TMEM74: variants seen among roughly 807,000 people sequenced by gnomAD.
TMEM74 encodes the protein transmembrane protein 74.
A neutral mutation model predicts 18.1 loss-of-function variants in TMEM74; 13 were observed. The observed-to-expected ratio is 0.72, with a 90% confidence interval of 0.47 to 1.14. The LOEUF (loss-of-function observed/expected upper bound fraction) is 1.14, where lower values mean the gene tolerates loss of function less well. Among genes scored for constraint, TMEM74 ranks in the 50% most tolerant of loss-of-function variants. The pLI is 0.00. For synonymous variants in TMEM74, 159 were observed against 146.6 expected (o/e 1.08, Z -0.61); for missense variants, 372 against 375.9 (o/e 0.99, Z 0.09).
At position 108,731,530 on chromosome 8, in the gene TMEM74, C is replaced by G. The variant is rs529065398; in HGVS notation, n.119+55946G>C. Among the ~76,000 whole-genome samples the G allele has an allele frequency of 2.8e-3, 428 of 152,204 alleles. 1 individual carries two copies. The highest frequency in any genetic ancestry group is 8.9e-3 in the African/African-American group (368 of 41,532). On this transcript the variant is annotated intron_variant and non_coding_transcript_variant, in intron 1 of 3. Coordinates refer to the TMEM74 transcript ENST00000518838. ...CTGAGTTTTCAAATAAAAATTTCTTCCGTAGGACACACTAAATTACTGGGA... is the reference window on the plus strand; with the variant it reads ...CTGAGTTTTCAAATAAAAATTTCTTGCGTAGGACACACTAAATTACTGGGA...
rs1814031189 is a variant in TMEM74, at chr8:108,760,458, T to G, written n.119+27018A>C. 2.0e-5 allele frequency among the ~76,000 whole-genome samples: 3 copies of G among 152,020 alleles called. No homozygotes were observed. The South Asian group carries it at 6.2e-4, about 32-fold the overall frequency. ...GCCAGTAGCAGAGCTTGACGATTAT[T>G]AGCAAGCCTGTTCTGAGTGCAGTTT... On this transcript the variant is annotated intron_variant and non_coding_transcript_variant, in intron 1 of 3. Transcript: ENST00000518838.
intron 1 of TMEM74, among the ~76,000 whole-genome samples, chr8:108,760,087 C>A (rs1235419560): frequency 6.6e-6 from 1 of 151,066 alleles, no homozygotes; most frequent in Admixed American, 6.6e-5. Context: ...GTAAGAGAAT[C>A]GCTTGAAGCT....
chr8:108,635,420 T>C (rs1812597592), intron 2 of TMEM74, among the ~76,000 whole-genome samples: 1 of 152,058 alleles, frequency 6.6e-6, no homozygotes, highest in African/African-American at 2.4e-5. Context: ...GGCAATGTTT[T>C]CCTTGGGTTT....
chr8:108,735,780 C>T (rs2935788), intron 1 of TMEM74, among the ~76,000 whole-genome samples: 109,718 of 151,978 alleles, frequency 0.72, 40,841 homozygotes, highest in African/African-American at 0.91. Flanking sequence ...ATTGCCCACT[C>T]CTTAATATCC....
At chr8:108,715,926 A>G (rs193228949) in intron 1 of TMEM74, among the ~76,000 whole-genome samples, 118 of 152,272 alleles carry the variant, frequency 7.7e-4, no homozygotes, top group African/African-American at 2.7e-3. Flanking sequence ...AAAGATATTC[A>G]TTAAGCCATA....
chr8:108,716,627 GTATT>G (rs1185645008), intron 1 of TMEM74, among the ~76,000 whole-genome samples: 2 of 151,856 alleles, frequency 1.3e-5, no homozygotes, highest in Non-Finnish European at 2.9e-5. Flanking sequence ...TATTAAATGA[GTATT>G]TAACTCAAGA....
chr8:108,760,489 G>A (rs1425301679), intron 1 of TMEM74, among the ~76,000 whole-genome samples: 1 of 152,098 alleles, frequency 6.6e-6, no homozygotes, highest in African/African-American at 2.4e-5. Flanking sequence ...AGTTTTAACA[G>A]AATGCATCTA....
At chr8:108,684,412 T>A (rs1343397851) in intron 1 of TMEM74, among the ~76,000 whole-genome samples, 1 of 152,044 alleles carries the variant, frequency 6.6e-6, no homozygotes, top group Non-Finnish European at 1.5e-5. Flanking sequence ...TTTTGAGAAA[T>A]ATCTCTTCAG....
intron 2 of TMEM74, among the ~76,000 whole-genome samples, chr8:108,637,044 A>G (rs1451862551): frequency 1.3e-5 from 2 of 152,072 alleles, no homozygotes; most frequent in African/African-American, 4.8e-5. Flanking sequence ...TATAGATAGG[A>G]TTAGGGCTTT....
intron 2 of TMEM74, among the ~76,000 whole-genome samples, chr8:108,644,953 A>G (rs1812702571): frequency 6.6e-6 from 1 of 152,186 alleles, no homozygotes. Flanking sequence ...ATATTTCTCA[A>G]AGAATTTAAA....
intron 2 of TMEM74, chr8:108,652,921 C>T (rs563056971): frequency 2.6e-4 from 96 of 364,266 alleles, no homozygotes; most frequent in African/African-American, 1.6e-3. Flanking sequence ...GTGTGAAGAG[C>T]GAAGATGAAT....
intron 1 of TMEM74, among the ~76,000 whole-genome samples, chr8:108,678,570 G>A (rs2349202): frequency 0.029 from 4,382 of 148,550 alleles, 118 homozygotes; most frequent in African/African-American, 0.066. Context: ...ACAAGGTCTC[G>A]CCATGTTGGC....
chr8:108,711,795 CAG>C (rs948667759), intron 1 of TMEM74, among the ~76,000 whole-genome samples: 3 of 152,094 alleles, frequency 2.0e-5, no homozygotes, highest in Non-Finnish European at 4.4e-5. Flanking sequence ...ACATTACTAA[CAG>C]AGAGACTATA....
At chr8:108,670,057 A>AT (rs1159713326) in intron 1 of TMEM74, among the ~76,000 whole-genome samples, 56 of 149,574 alleles carry the variant, frequency 3.7e-4, no homozygotes, top group Middle Eastern at 3.4e-3. Flanking sequence ...AAAAAAAAAA[A>AT]GGCAATGAAT....
At chr8:108,707,737 A>G (rs148620792) in intron 1 of TMEM74, among the ~76,000 whole-genome samples, 1 of 152,330 alleles carries the variant, frequency 6.6e-6, no homozygotes, top group African/African-American at 2.4e-5. Flanking sequence ...AACTCTAAAA[A>G]TCTTAGAAGG....
chr8:108,772,001 TA>T (rs1190251736), intron 1 of TMEM74, among the ~76,000 whole-genome samples: 2 of 152,234 alleles, frequency 1.3e-5, no homozygotes, highest in East Asian at 3.9e-4. Flanking sequence ...ATTTTTATGG[TA>T]AAAAAACTAC....
At chr8:108,693,172 G>C (rs895549158) in intron 1 of TMEM74, among the ~76,000 whole-genome samples, 2 of 152,166 alleles carry the variant, frequency 1.3e-5, no homozygotes, top group African/African-American at 4.8e-5. Flanking sequence ...ACATAAGCCG[G>C]TATGGCTGGA....
At chr8:108,771,959 A>G (rs1012421538) in intron 1 of TMEM74, among the ~76,000 whole-genome samples, 2 of 152,108 alleles carry the variant, frequency 1.3e-5, no homozygotes, top group African/African-American at 2.4e-5. Flanking sequence ...GCAACATTAA[A>G]TGTTGCTTTA....
Position 108,784,667 on chromosome 8 carries a change from T to A in TMEM74, c.432A>T (p.Pro144=). Reference sequence around the variant, plus strand: ...TGGCAGCCTCTTGGGACCACTCATTTGGATTTTCCCAGCCAAGCTCCCCAG... The same window carrying A: ...TGGCAGCCTCTTGGGACCACTCATTAGGATTTTCCCAGCCAAGCTCCCCAG... ...NHPGELGWEN[P]NEWSQEAAIS... Residue 144 remains proline (P), a synonymous_variant, in exon 2 of 2, where the codon CCA becomes CCT. Transcript: ENST00000297459. The A allele has an allele frequency of 6.2e-7, 1 of 1,614,208 alleles. No homozygotes were observed. The highest frequency in any genetic ancestry group is 8.5e-7 in the Non-Finnish European group (1 of 1,180,026).
Sources: gnomAD v4.1 joint callset for allele counts (sites outside exome capture counted in the v4.1 genomes callset) on GRCh38, gnomAD v4.1.1 for gene constraint, MANE v1.5 for transcripts, NCBI Gene and HGNC (gene_info 2026-07-23, HGNC 2026-07-21) for gene names.